The following LYPD6B variants were observed in gnomAD, a reference collection of about 807,000 sequenced individuals.
LYPD6B encodes the protein LY6/PLAUR domain containing 6B.
A neutral mutation model predicts 22.8 loss-of-function variants in LYPD6B; 17 were observed. The ratio of observed to expected loss-of-function variants is 0.75; its 90% CI spans 0.51 to 1.12. The LOEUF (loss-of-function observed/expected upper bound fraction) is 1.12. Ranked by LOEUF, LYPD6B falls within the 50% of genes most tolerant of loss-of-function variation. The pLI is 0.00. For missense variants in LYPD6B, 221 were observed against 258.3 expected (o/e 0.86, Z 0.99); for synonymous variants, 106 against 91.6 (o/e 1.16, Z -0.90).
At chr2:149,151,189 G>T (rs1689349645) in intron 2 of LYPD6B, among the ~76,000 whole-genome samples, 1 of 152,228 alleles carries the variant, frequency 6.6e-6, no homozygotes, top group Middle Eastern at 3.4e-3. Context: ...GGGCTCTCCT[G>T]TAGGCGCTGG....
intron 1 of LYPD6B, among the ~76,000 whole-genome samples, chr2:149,075,247 G>T (rs1272563068): frequency 6.6e-6 from 1 of 152,130 alleles, no homozygotes; most frequent in Non-Finnish European, 1.5e-5. Context: ...ACTCACTGTT[G>T]CTTCCTTATG....
intron 1 of LYPD6B, chr2:149,068,636 A>G: frequency 2.0e-6 from 1 of 511,072 alleles, no homozygotes; most frequent in Non-Finnish European, 4.0e-6. Flanking sequence ...CCTTATTATT[A>G]TAGCTCCAGA....
intron 2 of LYPD6B, among the ~76,000 whole-genome samples, chr2:149,138,367 A>G (rs1175669848): frequency 6.6e-6 from 1 of 152,224 alleles, no homozygotes; most frequent in African/African-American, 2.4e-5. Context: ...ATGTGACTCC[A>G]TAGTATGTTC....
intron 1 of LYPD6B, among the ~76,000 whole-genome samples, chr2:149,056,434 C>T (rs1405810348): frequency 6.6e-6 from 1 of 152,166 alleles, no homozygotes; most frequent in Non-Finnish European, 1.5e-5. Flanking sequence ...TGGGCTTCAC[C>T]ATCAGGATTT....
chr2:149,063,496 T>C (rs919723656), intron 1 of LYPD6B, among the ~76,000 whole-genome samples: 1 of 152,226 alleles, frequency 6.6e-6, no homozygotes, highest in South Asian at 2.1e-4. Flanking sequence ...GATGATTTGA[T>C]TTGTTGATAA....
At chr2:149,079,879 G>A (rs10803790) in intron 1 of LYPD6B, among the ~76,000 whole-genome samples, 65,582 of 151,874 alleles carry the variant, frequency 0.43, 14,598 homozygotes, top group African/African-American at 0.53. Context: ...TTTCATTCTC[G>A]CAACCTTTTG....
chr2:149,109,358 A>T (rs1686647424), intron 1 of LYPD6B, among the ~76,000 whole-genome samples: 1 of 151,968 alleles, frequency 6.6e-6, no homozygotes, highest in Admixed American at 6.6e-5. Flanking sequence ...TCTTGCTTGC[A>T]TTGTTTCTGA....
chr2:149,044,206 ATTAAT>A (rs1345032059), intron 1 of LYPD6B, among the ~76,000 whole-genome samples: 2 of 152,100 alleles, frequency 1.3e-5, no homozygotes, highest in Non-Finnish European at 2.9e-5. Context: ...AAATCTACAG[ATTAAT>A]TTAGGAAGAA....
At chr2:149,159,130 G>A (rs1468542951) in intron 2 of LYPD6B, among the ~76,000 whole-genome samples, 2 of 152,058 alleles carry the variant, frequency 1.3e-5, no homozygotes, top group African/African-American at 4.8e-5. Flanking sequence ...GATGCAGTAA[G>A]AAGACATTAT....
At chr2:149,131,248 T>G in intron 2 of LYPD6B, 1 of 369,580 alleles carries the variant, frequency 2.7e-6, no homozygotes, top group Non-Finnish European at 4.8e-6. Flanking sequence ...CATTTCATCT[T>G]GTATGCTTTT....
At chr2:149,039,612 T>C (rs1226236379) in intron 1 of LYPD6B, among the ~76,000 whole-genome samples, 1 of 152,256 alleles carries the variant, frequency 6.6e-6, no homozygotes, top group Non-Finnish European at 1.5e-5. Context: ...ATTAATATTA[T>C]AATCATTACA....
intron 1 of LYPD6B, among the ~76,000 whole-genome samples, chr2:149,102,780 C>T (rs1052167844): frequency 6.6e-6 from 1 of 152,158 alleles, no homozygotes; most frequent in Non-Finnish European, 1.5e-5. Flanking sequence ...AAGGTGCCCG[C>T]CACCATACCT....
chr2:149,124,326 A>G (rs1464044739), intron 1 of LYPD6B, among the ~76,000 whole-genome samples: 1 of 152,198 alleles, frequency 6.6e-6, no homozygotes, highest in Non-Finnish European at 1.5e-5. Context: ...AGAGAACATT[A>G]TCTCCTCTTT....
At chr2:149,180,400 A>G (rs1200256524) in intron 3 of LYPD6B, among the ~76,000 whole-genome samples, 1 of 152,140 alleles carries the variant, frequency 6.6e-6, no homozygotes, top group East Asian at 1.9e-4. Context: ...AACTTGCAGC[A>G]CTTCTTTGTC....
intron 1 of LYPD6B, among the ~76,000 whole-genome samples, chr2:149,062,686 A>G (rs73963317): frequency 8.5e-4 from 130 of 152,258 alleles, no homozygotes; most frequent in African/African-American, 3.0e-3. Flanking sequence ...TTAAAGGTGC[A>G]ATGTTATTTT....
At chr2:149,132,605 G>C (rs1047298326) in intron 2 of LYPD6B, among the ~76,000 whole-genome samples, 12 of 151,868 alleles carry the variant, frequency 7.9e-5, no homozygotes, top group African/African-American at 2.9e-4. Flanking sequence ...CCTTTTTAGT[G>C]CTACTTAGCA....
chr2:149,186,056 T>C (rs1416666951), intron 3 of LYPD6B, among the ~76,000 whole-genome samples: 1 of 152,236 alleles, frequency 6.6e-6, no homozygotes, highest in South Asian at 2.1e-4. Flanking sequence ...AATAACCCTA[T>C]GGCCTCTAAG....
intron 1 of LYPD6B, among the ~76,000 whole-genome samples, chr2:149,085,822 G>T (rs1020271815): frequency 6.6e-6 from 1 of 152,124 alleles, no homozygotes; most frequent in Non-Finnish European, 1.5e-5. Context: ...GATTTGAAGC[G>T]TTATCCTTTC....
At chr2:149,071,448 G>T (rs976456651) in intron 1 of LYPD6B, among the ~76,000 whole-genome samples, 5 of 152,064 alleles carry the variant, frequency 3.3e-5, no homozygotes, top group Admixed American at 3.3e-4. Flanking sequence ...TGTATCAATC[G>T]GTTGTCAAAT....
Sources: gnomAD v4.1 joint callset for allele counts (sites outside exome capture counted in the v4.1 genomes callset) on GRCh38, gnomAD v4.1.1 for gene constraint, MANE v1.5 for transcripts, NCBI Gene and HGNC (gene_info 2026-07-23, HGNC 2026-07-21) for gene names.